FKTN: variants seen among roughly 807,000 people sequenced by gnomAD.
FKTN encodes fukutin.
Under a neutral mutation model 58.6 loss-of-function variants are expected in FKTN, and 47 were observed. The observed-to-expected ratio is 0.80, with a 90% confidence interval of 0.63 to 1.02. FKTN has a LOEUF of 1.02. FKTN is among the 50% of genes least tolerant of loss of function. FKTN has a pLI of 0.00. For synonymous variants in FKTN, 178 were observed against 191.9 expected (o/e 0.93, Z 0.60); for missense variants, 516 against 537.3 (o/e 0.96, Z 0.39).
chr9:105,620,691 G>T (rs183222950), intron 10 of FKTN, among the ~76,000 whole-genome samples: 36 of 152,050 alleles, frequency 2.4e-4, no homozygotes, highest in African/African-American at 7.5e-4. Flanking sequence ...AGGATTAAAA[G>T]AATTAATACA....
intron 10 of FKTN, among the ~76,000 whole-genome samples, chr9:105,632,762 A>G (rs1198193321): frequency 6.6e-6 from 1 of 152,186 alleles, no homozygotes; most frequent in East Asian, 1.9e-4. Context: ...AAATGGATGG[A>G]AGGATTTTTT....
At chr9:105,608,150 T>A (rs1829251968) in intron 7 of FKTN, among the ~76,000 whole-genome samples, 199 bp downstream of exon 7, 1 of 152,206 alleles carries the variant, frequency 6.6e-6, no homozygotes, top group Non-Finnish European at 1.5e-5. Flanking sequence ...GAAACTATTT[T>A]CTAAGTCAAT....
chr9:105,620,026 T>C lies in FKTN; in HGVS notation c.1137T>C (p.Asn379=). 6.2e-7 allele frequency: 1 copy of C among 1,612,974 alleles called. No individual in the cohort carries two copies. Among genetic ancestry groups the C allele is most frequent in the Non-Finnish European group, 8.5e-7 (1 of 1,179,266 alleles). ...ATGAAGAAACTGATCACATGTGGAA[T>C]GGAGGCACTCAGGCCAAAACAGGAA... The part of the protein sequence containing the change: ...FFYEETDHMW[N]GGTQAKTGKK... The change falls in exon 10 of 11, where the codon AAT becomes AAC. Residue 379 remains asparagine, a synonymous_variant. Coordinates refer to ENST00000357998, the MANE Select transcript of FKTN (RefSeq NM_001079802.2).
At chr9:105,631,864 T>A (rs1382599551) in intron 10 of FKTN, among the ~76,000 whole-genome samples, 1 of 150,892 alleles carries the variant, frequency 6.6e-6, no homozygotes, top group Non-Finnish European at 1.5e-5. Flanking sequence ...GTGTGGCGAC[T>A]CCTCAGGGAT....
chr9:105,621,623 G>A (rs1831961003), intron 10 of FKTN, among the ~76,000 whole-genome samples: 1 of 151,752 alleles, frequency 6.6e-6, no homozygotes, highest in Non-Finnish European at 1.5e-5. Context: ...ACAAACATAT[G>A]CTCGTATACA....
chr9:105,605,103 G>T (rs1828649412), intron 6 of FKTN, among the ~76,000 whole-genome samples: 1 of 151,892 alleles, frequency 6.6e-6, no homozygotes, highest in South Asian at 2.1e-4. Flanking sequence ...AGGCACAAAA[G>T]AATCTAAATT....
chr9:105,558,498 T>C (rs1837620149), intron 1 of FKTN, among the ~76,000 whole-genome samples: 1 of 152,110 alleles, frequency 6.6e-6, no homozygotes, highest in Non-Finnish European at 1.5e-5. Flanking sequence ...ACCCCTGACC[T>C]CAGGTTATCC....
chr9:105,623,555 A>G (rs957650938), intron 10 of FKTN, among the ~76,000 whole-genome samples: 8 of 152,178 alleles, frequency 5.3e-5, no homozygotes, highest in African/African-American at 1.7e-4. Flanking sequence ...GGTTCCTTAT[A>G]CCTTCTGACA....
chr9:105,567,635 TAA>T (rs1362328959), intron 1 of FKTN, among the ~76,000 whole-genome samples: 4 of 152,050 alleles, frequency 2.6e-5, no homozygotes, highest in African/African-American at 4.8e-5. Flanking sequence ...CTCAACGAAA[TAA>T]AAGAGGACAC....
chr9:105,606,292 T>A (rs1350219020), intron 6 of FKTN, among the ~76,000 whole-genome samples: 1 of 152,030 alleles, frequency 6.6e-6, no homozygotes, highest in African/African-American at 2.4e-5. Context: ...TTCCTATATA[T>A]TTTTTAAAAC....
intron 10 of FKTN, among the ~76,000 whole-genome samples, chr9:105,631,406 A>G (rs1833423738): frequency 6.6e-6 from 1 of 152,228 alleles, no homozygotes; most frequent in Admixed American, 6.5e-5. Context: ...ATTCTTGTCA[A>G]GAATGGCTCT....
intron 3 of FKTN, among the ~76,000 whole-genome samples, chr9:105,592,931 A>G (rs1845164395): frequency 6.6e-6 from 1 of 152,130 alleles, no homozygotes; most frequent in Non-Finnish European, 1.5e-5. Flanking sequence ...GAGCCCTCCA[A>G]ACTTTCCCTT....
intron 10 of FKTN, among the ~76,000 whole-genome samples, chr9:105,631,093 A>G (rs897390958): frequency 4.6e-5 from 7 of 152,200 alleles, no homozygotes; most frequent in Admixed American, 2.6e-4. Context: ...AGGTCGCACC[A>G]CTGTACTCCA....
At position 105,635,928 on chromosome 9, in the gene FKTN, A is replaced by G. The variant is rs560874410; in HGVS notation, c.*664A>G. The G allele has an allele frequency of 1.0e-6, 1 of 986,880 alleles. No individual in the cohort carries two copies. Among genetic ancestry groups the G allele is most frequent in the South Asian group, 4.7e-5 (1 of 21,384 alleles). 61.1% of individuals were successfully genotyped at this position (986,880 alleles called of 1,614,324 possible). Reference sequence around the variant, plus strand: ...AAATTTCTGTACATGTACTGTTTTCATATGTGAAGTGAGAAGAAACTTTAT... The same window carrying G: ...AAATTTCTGTACATGTACTGTTTTCGTATGTGAAGTGAGAAGAAACTTTAT... On this transcript the variant is annotated 3_prime_UTR_variant, in exon 11 of 11. Coordinates refer to ENST00000357998, the MANE Select transcript of FKTN (RefSeq NM_001079802.2).
chr9:105,571,309 G>A (rs2518120), intron 1 of FKTN, among the ~76,000 whole-genome samples: 102,958 of 151,968 alleles, frequency 0.68, 35,237 homozygotes, highest in African/African-American at 0.76. Context: ...TTTTTTCAGT[G>A]TCACATTATT....
chr9:105,605,970 C>T (rs1453353164), intron 6 of FKTN, among the ~76,000 whole-genome samples: 2 of 152,092 alleles, frequency 1.3e-5, no homozygotes, highest in Non-Finnish European at 2.9e-5. Flanking sequence ...TTATGCATTG[C>T]ATGCTTGTAT....
At chr9:105,597,712 AT>A (rs1387921138) in intron 4 of FKTN, among the ~76,000 whole-genome samples, 1 of 152,162 alleles carries the variant, frequency 6.6e-6, no homozygotes, top group Non-Finnish European at 1.5e-5. Flanking sequence ...ATTTGCTGAG[AT>A]TTAAAATTCA....
intron 1 of FKTN, among the ~76,000 whole-genome samples, chr9:105,565,357 T>C (rs879217931): frequency 6.6e-6 from 1 of 152,024 alleles, no homozygotes. Context: ...GACTGGCAAA[T>C]TGGATAAAGA....
chr9:105,585,466 G>A (rs954309526), intron 3 of FKTN, among the ~76,000 whole-genome samples: 3 of 152,022 alleles, frequency 2.0e-5, no homozygotes, highest in African/African-American at 7.2e-5. Context: ...AAAATAGTAA[G>A]GATAGTTAGA....
Sources: allele counts gnomAD v4.1 joint callset (sites outside exome capture counted in the v4.1 genomes callset), GRCh38; gene constraint gnomAD v4.1.1; transcripts MANE v1.5; gene names NCBI Gene and HGNC (gene_info 2026-07-23, HGNC 2026-07-21).